Variants in SEMA3D observed in about 807,000 individuals in gnomAD.
SEMA3D encodes the protein semaphorin-3D.
Under a neutral mutation model 100.1 loss-of-function variants are expected in SEMA3D, and 84 were observed. That is an observed-to-expected ratio of 0.84 (90% CI 0.70 to 1.01). The LOEUF is 1.01. Among genes scored for constraint, SEMA3D ranks in the 50% least tolerant of loss-of-function variants. The probability of loss-of-function intolerance (pLI) is 0.00; values close to 1 mark genes in which losing one functional copy is unlikely to be tolerated. For synonymous variants in SEMA3D, 312 were observed against 320.7 expected, an observed-to-expected ratio of 0.97 and a Z score of 0.29; for missense variants, 875 against 934.1, an observed-to-expected ratio of 0.94 and a Z score of 0.82.
chr7:85,128,845 G>A (rs1217674216), intron 2 of SEMA3D, among the ~76,000 whole-genome samples: 1 of 147,474 alleles, frequency 6.8e-6, no homozygotes, highest in African/African-American at 2.5e-5. Flanking sequence ...GTTTTTCAAA[G>A]CAATACAGAT....
intron 15 of SEMA3D, among the ~76,000 whole-genome samples, chr7:85,017,952 T>C (rs1790150645): frequency 6.6e-6 from 1 of 151,734 alleles, no homozygotes; most frequent in African/African-American, 2.4e-5. Context: ...AGGGTTGATA[T>C]TCTACATGAA....
chr7:85,058,511 G>A (rs1456638893), intron 8 of SEMA3D, among the ~76,000 whole-genome samples: 1 of 151,994 alleles, frequency 6.6e-6, no homozygotes, highest in Admixed American at 6.6e-5. Flanking sequence ...ACTTTGGGAG[G>A]CCGAGGCCGG....
intron 1 of SEMA3D, among the ~76,000 whole-genome samples, chr7:85,185,713 GGCAAAGCAA>G (rs1463587379): frequency 1.2e-4 from 18 of 152,182 alleles, no homozygotes; most frequent in Admixed American, 4.6e-4. Context: ...CTGTGACGGA[GGCAAAGCAA>G]CTCAGCCCAG....
chr7:85,145,171 C>T (rs993269851), intron 2 of SEMA3D, among the ~76,000 whole-genome samples: 2 of 151,448 alleles, frequency 1.3e-5, no homozygotes, highest in African/African-American at 4.8e-5. Context: ...TTTTTTTAAC[C>T]CTTATTTTAT....
chr7:85,202,032 CTCT>C, the SEMA3D span, among the ~76,000 whole-genome samples: 99 of 151,736 alleles, frequency 6.5e-4, no homozygotes, highest in African/African-American at 2.2e-3. Flanking sequence ...GTCTCTCTCT[CTCT>C]TTTTATTTAT....
intron 12 of SEMA3D, among the ~76,000 whole-genome samples, chr7:85,026,934 G>C (rs1243193451): frequency 1.3e-5 from 2 of 152,004 alleles, no homozygotes; most frequent in African/African-American, 2.4e-5. Context: ...ATTAAGCAAG[G>C]TAAAAATTGG....
intron 9 of SEMA3D, among the ~76,000 whole-genome samples, chr7:85,046,578 C>G (rs1024992938): frequency 6.6e-6 from 1 of 151,966 alleles, no homozygotes. Flanking sequence ...GATAATAGCA[C>G]TCAGGAATGG....
chr7:85,212,576 C>T, the SEMA3D span, among the ~76,000 whole-genome samples: 3 of 151,520 alleles, frequency 2.0e-5, no homozygotes, highest in African/African-American at 7.3e-5. Context: ...TGTGCATGCA[C>T]CTGTGTGTGT....
At chr7:85,132,459 T>C (rs1047098257) in intron 2 of SEMA3D, among the ~76,000 whole-genome samples, 5 of 151,920 alleles carry the variant, frequency 3.3e-5, no homozygotes, top group Non-Finnish European at 5.9e-5. Flanking sequence ...AAAATTACTA[T>C]ATTTGTAGCA....
chr7:85,147,626 A>G (rs1304916413), intron 2 of SEMA3D, among the ~76,000 whole-genome samples: 1 of 152,208 alleles, frequency 6.6e-6, no homozygotes. Flanking sequence ...TGATATTTAG[A>G]TAACAGAATT....
chr7:85,164,288 G>C (rs2116526019), intron 1 of SEMA3D, among the ~76,000 whole-genome samples: 1 of 152,106 alleles, frequency 6.6e-6, no homozygotes, highest in East Asian at 1.9e-4. Flanking sequence ...ATTTAAACTA[G>C]TTATTTAAAC....
At chr7:85,235,938 A>T in the SEMA3D span, among the ~76,000 whole-genome samples, 2 of 152,226 alleles carry the variant, frequency 1.3e-5, no homozygotes, top group Non-Finnish European at 2.9e-5. Context: ...GCTTAAAAAT[A>T]ACAATTTCTC....
chr7:85,229,091 T>C, the SEMA3D span, among the ~76,000 whole-genome samples: 7 of 152,026 alleles, frequency 4.6e-5, no homozygotes, highest in African/African-American at 1.4e-4. Context: ...TTATTTTCAT[T>C]GTATTTATTT....
the SEMA3D span, among the ~76,000 whole-genome samples, chr7:85,218,751 A>T: frequency 6.6e-6 from 1 of 152,094 alleles, no homozygotes; most frequent in African/African-American, 2.4e-5. Context: ...CCTTTTATGG[A>T]GACCAATGTC....
At chr7:85,034,692 A>G (rs1790643470) in intron 12 of SEMA3D, among the ~76,000 whole-genome samples, 1 of 152,090 alleles carries the variant, frequency 6.6e-6, no homozygotes, top group African/African-American at 2.4e-5. Context: ...AGACATACGA[A>G]TGGCCAATGG....
At chr7:85,130,642 C>T (rs1789701484) in intron 2 of SEMA3D, among the ~76,000 whole-genome samples, 1 of 152,130 alleles carries the variant, frequency 6.6e-6, no homozygotes, top group African/African-American at 2.4e-5. Context: ...AGTAAATATT[C>T]CTATGTTCGG....
At chr7:85,165,374 A>T (rs1177164354) in intron 1 of SEMA3D, among the ~76,000 whole-genome samples, 2 of 152,084 alleles carry the variant, frequency 1.3e-5, no homozygotes, top group Non-Finnish European at 2.9e-5. Flanking sequence ...GTTTGTGAAT[A>T]GATAATGTTT....
chr7:85,150,403 GAT>G (rs199781825), intron 2 of SEMA3D, among the ~76,000 whole-genome samples: 22,888 of 125,670 alleles, frequency 0.18, 2,356 homozygotes, highest in Non-Finnish European at 0.24. Flanking sequence ...TATTTACAGG[GAT>G]ATATATATAT....
intron 12 of SEMA3D, chr7:85,027,915 G>T (rs1290977827): frequency 5.1e-6 from 3 of 583,954 alleles, no homozygotes; most frequent in Admixed American, 2.0e-5. Context: ...AGAGATAATT[G>T]CCAATGATCA....
Sources: gnomAD v4.1 joint callset for allele counts (sites outside exome capture counted in the v4.1 genomes callset) on GRCh38, gnomAD v4.1.1 for gene constraint, MANE v1.5 for transcripts, NCBI Gene and HGNC (gene_info 2026-07-23, HGNC 2026-07-21) for gene names.